The following GATA2 variants were observed in gnomAD, a reference collection of about 807,000 sequenced individuals.
GATA2 encodes GATA binding protein 2, also known as endothelial transcription factor GATA-2.
Under a neutral mutation model 35.7 loss-of-function variants are expected in GATA2, and 6 were observed. The observed-to-expected ratio is 0.17, with a 90% CI of 0.09 to 0.33. The LOEUF (loss-of-function observed/expected upper bound fraction) is 0.33. GATA2 is among the 10% of genes least tolerant of loss of function. The pLI, the probability that GATA2 is intolerant of heterozygous loss-of-function variation, is 1.00. For missense variants in GATA2, 541 were observed against 656.6 expected (o/e 0.82, Z 1.92); for synonymous variants, 313 against 274.9 (o/e 1.14, Z -1.37).
intron 1 of GATA2, chr3:128,490,639 C>G (rs2953120): frequency 0.43 from 64,712 of 152,064 alleles, 14,102 homozygotes; most frequent in African/African-American, 0.47. Flanking sequence ...AAGAGGGACC[C>G]GCGCTCGACA....
intron 4 of GATA2, among the ~76,000 whole-genome samples, chr3:128,482,645 C>G (rs867585317): frequency 3.3e-5 from 5 of 152,186 alleles, no homozygotes; most frequent in Admixed American, 2.0e-4. Context: ...TGATCCCCCC[C>G]ATCCAGCCCC....
intron 1 of GATA2, chr3:128,487,761 T>G (rs1231178415): frequency 2.0e-5 from 3 of 152,364 alleles, no homozygotes; most frequent in Non-Finnish European, 2.9e-5. Context: ...GTGAAGGAGT[T>G]CCGGCGGGAG....
rs17851306 is a variant in GATA2 at position 128,487,018 on chromosome 3, G to C, written c.14C>G (p.Pro5Arg). 3.1e-6 allele frequency: 5 copies of C among 1,587,894 alleles called. No homozygotes were observed. In the South Asian group the frequency reaches 4.6e-5, roughly 14 times the overall value. Residue 5 changes from proline (P) to arginine (R), a missense_variant, in exon 2 of 6, where the codon CCC (proline) becomes CGC (arginine). Transcript: ENST00000341105. MEVA[P>R]EQPRWMAHPA... Reference sequence around the variant, plus strand: ...GTGCGCCATCCAGCGCGGCTGCTCGGGCGCCACCTCCATGGCCGGCGGCGG... The same window carrying C: ...GTGCGCCATCCAGCGCGGCTGCTCGCGCGCCACCTCCATGGCCGGCGGCGG...
Position 128,485,939 on chromosome 3 carries a change from C to G in GATA2, c.659G>C (p.Ser220Thr). ...GVKYQVSLTE[S>T]MKMESGSPLR... ...GGGACTGCCACTTTCCATCTTCATG[C>G]TCTCCGTCAGTGACACCTGGTACTT... Residue 220 changes from serine to threonine, a missense_variant, in exon 3 of 6, where the codon AGC (serine) becomes ACC (threonine). By Grantham distance (58) the Ser-to-Thr change is moderately conservative (BLOSUM62 1). Coordinates refer to ENST00000341105, the MANE Select transcript of GATA2 (RefSeq NM_032638.5). 6.2e-7 allele frequency: 1 copy of G among 1,614,204 alleles called. No individual in the cohort carries two copies. Among genetic ancestry groups the G allele is most frequent in the Non-Finnish European group, 8.5e-7 (1 of 1,180,032 alleles).
At chr3:128,481,788 G>A in intron 5 of GATA2, 31 bp downstream of exon 5, 5 of 1,605,324 alleles carry the variant, frequency 3.1e-6, no homozygotes, top group Non-Finnish European at 4.3e-6. Context: ...CCCCTGGGAG[G>A]GGCGGGGTGG....
Position 128,480,994 on chromosome 3 carries a change from C to A in GATA2, c.*25G>T. 1.3e-6 allele frequency: 2 copies of A among 1,528,912 alleles called. No individual in the cohort carries two copies. The highest frequency in any genetic ancestry group is 1.8e-6 in the Non-Finnish European group (2 of 1,136,998). 94.7% of individuals were successfully genotyped at this position (1,528,912 alleles called of 1,614,324 possible). On this transcript the variant is annotated 3_prime_UTR_variant, in exon 6 of 6. Coordinates refer to ENST00000341105, the MANE Select transcript of GATA2 (RefSeq NM_032638.5). ...TTTGGTCCACCCATCCCGGGAGTGC[C>A]CGGTCCTCGACGTCCATCTGTTCCC...
chr3:128,492,368 C>CG (rs1553771808), intron 1 of GATA2: 2 of 152,246 alleles, frequency 1.3e-5, no homozygotes, highest in Non-Finnish European at 2.9e-5. Context: ...CGGCTTGGGG[C>CG]GGGGGGAGAC....
At chr3:128,486,731 G>A in intron 2 of GATA2, 72 bp downstream of exon 2, 2 of 1,398,638 alleles carry the variant, frequency 1.4e-6, no homozygotes, top group African/African-American at 1.4e-5. Context: ...GAAGCAAGCA[G>A]ACGGGCCCTC....
At position 128,480,111 on chromosome 3, in the gene GATA2, G is replaced by A. The variant is rs1425779763; in HGVS notation, c.*908C>T. 2 of 233,086 alleles carry A rather than the reference G, an allele frequency of 8.6e-6. No individual in the cohort carries two copies. Among genetic ancestry groups the A allele is most frequent in the African/African-American group, 4.4e-5 (2 of 45,328 alleles). The allele number at this position is 233,086 out of a possible 1,614,324, so 14.4% of individuals were successfully genotyped here. ...ACGTACAATCAACTGGACCCAAAAA[G>A]AGTTTAAAAATAAAACAATTAACTC... is the stretch of plus-strand genomic sequence containing the variant. On this transcript the variant is annotated 3_prime_UTR_variant, in exon 6 of 6. Coordinates refer to ENST00000341105, the MANE Select transcript of GATA2 (RefSeq NM_032638.5).
chr3:128,481,232 C>A lies in GATA2; in HGVS notation c.1230G>T (p.Gly410=), dbSNP rs1461907039. Residue 410 remains glycine (G), a synonymous_variant, in exon 6 of 6, where the codon GGG becomes GGT. Coordinates refer to ENST00000341105, the MANE Select transcript of GATA2 (RefSeq NM_032638.5). ...MSNKSKKSKK[G]AECFEELSKC... ...TTGACAGCTCCTCGAAGCACTCCGCCCCTTTCTTGCTCTTCTTGGACTTGT... is the reference window on the plus strand; with the variant it reads ...TTGACAGCTCCTCGAAGCACTCCGCACCTTTCTTGCTCTTCTTGGACTTGT... 7 of 1,614,128 alleles carry A rather than the reference C, an allele frequency of 4.3e-6. No homozygotes were observed. In the East Asian group the frequency reaches 6.7e-5, roughly 15 times the overall value.
At chr3:128,489,825 G>T (rs976003435) in intron 1 of GATA2, 2 of 152,232 alleles carry the variant, frequency 1.3e-5, no homozygotes, top group African/African-American at 4.8e-5. Context: ...CGCGGAGCTC[G>T]AGCCTATTTG....
intron 1 of GATA2, among the ~76,000 whole-genome samples, chr3:128,492,459 A>G (rs985089604): frequency 1.3e-5 from 2 of 152,182 alleles, no homozygotes; most frequent in Admixed American, 1.3e-4. Flanking sequence ...CGGGGGCGCA[A>G]GCAGGAGCGA....
intron 1 of GATA2, chr3:128,489,789 TTCA>T (rs762887236): frequency 3.3e-5 from 5 of 152,246 alleles, no homozygotes; most frequent in Non-Finnish European, 5.9e-5. Context: ...CTTACGATTC[TTCA>T]TCAACTCGTA....
chr3:128,483,602 A>G (rs2068657320), intron 4 of GATA2, among the ~76,000 whole-genome samples: 1 of 152,200 alleles, frequency 6.6e-6, no homozygotes, highest in African/African-American at 2.4e-5. Context: ...GCCCGTGGAC[A>G]CTCAACTTCG....
rs2068692665 is a variant in GATA2, at chr3:128,486,035, G to A, written c.563C>T (p.Thr188Met). 1 of 1,614,170 alleles carries A rather than the reference G, an allele frequency of 6.2e-7. No individual in the cohort carries two copies. Among genetic ancestry groups the A allele is most frequent in the Non-Finnish European group, 8.5e-7 (1 of 1,180,016 alleles). ...PKEVSPDPSTTGAASPASSSA... is the reference protein window; with the variant it reads ...PKEVSPDPSTMGAASPASSSA... ...AGATGAGGCTGGAGACGCAGCCCCC[G>A]TGGTGCTAGGGTCAGGAGACACTTC... The change falls in exon 3 of 6, where the codon ACG (threonine) becomes ATG (methionine). Residue 188 changes from threonine (T) to methionine (M), a missense_variant. Coordinates refer to ENST00000341105, the MANE Select transcript of GATA2 (RefSeq NM_032638.5).
chr3:128,490,960 C>A (rs1292402091), intron 1 of GATA2, among the ~76,000 whole-genome samples: 1 of 152,224 alleles, frequency 6.6e-6, no homozygotes, highest in Non-Finnish European at 1.5e-5. Context: ...GAAGCTGTCA[C>A]TTTCCTTACT....
intron 1 of GATA2, chr3:128,489,651 T>G (rs2068748997): frequency 6.6e-6 from 1 of 152,080 alleles, no homozygotes; most frequent in Admixed American, 6.5e-5. Context: ...GCGCCGGGCC[T>G]CCGCGGCCAG....
chr3:128,483,470 AT>A (rs1693958674), intron 4 of GATA2, among the ~76,000 whole-genome samples: 1 of 152,196 alleles, frequency 6.6e-6, no homozygotes, highest in Non-Finnish European at 1.5e-5. Flanking sequence ...TTTGTGTTTT[AT>A]TTAAATAAGC....
intron 3 of GATA2, among the ~76,000 whole-genome samples, chr3:128,485,277 T>C (rs1275197266): frequency 6.6e-6 from 1 of 152,170 alleles, no homozygotes; most frequent in Non-Finnish European, 1.5e-5. Flanking sequence ...CTTAATGGTC[T>C]GGAACCTCCG....
Sources: allele counts gnomAD v4.1 joint callset (sites outside exome capture counted in the v4.1 genomes callset), GRCh38; gene constraint gnomAD v4.1.1; transcripts MANE v1.5; gene names NCBI Gene and HGNC (gene_info 2026-07-23, HGNC 2026-07-21).